CDH12: variants seen among roughly 807,000 people sequenced by gnomAD.
The protein encoded by CDH12 is cadherin 12.
Under a neutral mutation model 74.1 loss-of-function variants are expected in CDH12, and 41 were observed. That is an observed-to-expected ratio of 0.55 (90% CI 0.43 to 0.72). The LOEUF (loss-of-function observed/expected upper bound fraction) is 0.72. CDH12 is among the 30% of genes least tolerant of loss of function. The pLI is 0.00. For missense variants in CDH12, 945 were observed against 977.2 expected (o/e 0.97, Z 0.44); for synonymous variants, 399 against 355.0 (o/e 1.12, Z -1.39).
intron 1 of CDH12, among the ~76,000 whole-genome samples, chr5:22,659,243 C>A (rs1740223143): frequency 6.6e-6 from 1 of 151,886 alleles, no homozygotes; most frequent in African/African-American, 2.4e-5. Context: ...ATAAAAAAAA[C>A]AGGGTTTGGG....
chr5:22,742,646 C>A (rs968980326), intron 1 of CDH12, among the ~76,000 whole-genome samples: 1 of 151,828 alleles, frequency 6.6e-6, no homozygotes, highest in African/African-American at 2.4e-5. Context: ...AATTAATTAA[C>A]AGACATATAT....
At chr5:22,845,558 A>G (rs755719632) in intron 1 of CDH12, among the ~76,000 whole-genome samples, 76 of 152,264 alleles carry the variant, frequency 5.0e-4, no homozygotes, top group Admixed American at 3.8e-3. Flanking sequence ...GCATCATCAT[A>G]TGATATGAAG....
intron 1 of CDH12, among the ~76,000 whole-genome samples, chr5:22,506,404 A>G (rs900213240): frequency 2.6e-5 from 4 of 152,002 alleles, no homozygotes; most frequent in Non-Finnish European, 5.9e-5. Context: ...ACAATACTAC[A>G]CTGTTTATTT....
At chr5:22,080,071 G>T (rs1332948861) in intron 4 of CDH12, among the ~76,000 whole-genome samples, 1 of 152,144 alleles carries the variant, frequency 6.6e-6, no homozygotes, top group Non-Finnish European at 1.5e-5. Context: ...TTTGGCACTA[G>T]GGTCACAGTG....
chr5:22,184,020 T>TAAA (rs35625153), intron 4 of CDH12, among the ~76,000 whole-genome samples: 9 of 145,780 alleles, frequency 6.2e-5, no homozygotes, highest in African/African-American at 2.2e-4. Flanking sequence ...ACCCTAGTGA[T>TAAA]AAAAAAAAAA....
intron 6 of CDH12, among the ~76,000 whole-genome samples, chr5:21,856,053 G>A (rs1040835570): frequency 6.6e-6 from 1 of 151,602 alleles, no homozygotes; most frequent in Non-Finnish European, 1.5e-5. Flanking sequence ...AACTTTTAGA[G>A]GGAACTTTTA....
intron 5 of CDH12, among the ~76,000 whole-genome samples, chr5:22,023,577 C>A (rs1022667349): frequency 2.0e-5 from 3 of 148,976 alleles, no homozygotes; most frequent in Admixed American, 1.3e-4. Flanking sequence ...TATTCTCTCT[C>A]TCTATATATA....
intron 5 of CDH12, among the ~76,000 whole-genome samples, chr5:22,052,065 T>C (rs1740409558): frequency 6.6e-6 from 1 of 152,180 alleles, no homozygotes; most frequent in African/African-American, 2.4e-5. Flanking sequence ...AACATGTGGG[T>C]CACAGTTTTA....
chr5:21,859,130 A>G (rs1460169949), intron 6 of CDH12, among the ~76,000 whole-genome samples: 4 of 151,848 alleles, frequency 2.6e-5, no homozygotes, highest in African/African-American at 9.7e-5. Context: ...CTCCCTAGTC[A>G]CTCAGTTTCC....
At chr5:22,157,237 TTC>T (rs1748072487) in intron 4 of CDH12, among the ~76,000 whole-genome samples, 1 of 146,902 alleles carries the variant, frequency 6.8e-6, no homozygotes, top group African/African-American at 2.5e-5. Context: ...CTTGAGCAAT[TTC>T]TCTCTTTCCT....
chr5:22,354,966 T>G (rs1468704826), intron 3 of CDH12, among the ~76,000 whole-genome samples: 2 of 152,130 alleles, frequency 1.3e-5, no homozygotes, highest in East Asian at 1.9e-4. Flanking sequence ...CCGAATTGAC[T>G]AGGGCCATCT....
At chr5:21,943,236 A>G (rs1755418789) in intron 6 of CDH12, among the ~76,000 whole-genome samples, 2 of 152,108 alleles carry the variant, frequency 1.3e-5, no homozygotes, top group African/African-American at 4.8e-5. Context: ...TAGCAATGTG[A>G]AAATGGATTA....
At chr5:22,493,262 T>G (rs1746962749) in intron 2 of CDH12, among the ~76,000 whole-genome samples, 1 of 152,168 alleles carries the variant, frequency 6.6e-6, no homozygotes. Context: ...TATTATGCAT[T>G]ATTAGTCCTT....
intron 5 of CDH12, among the ~76,000 whole-genome samples, chr5:22,051,661 T>C (rs1561059461): frequency 1.3e-5 from 2 of 152,154 alleles, no homozygotes; most frequent in Non-Finnish European, 2.9e-5. Context: ...TAAAAGAGTC[T>C]TTCTTTTATC....
intron 5 of CDH12, among the ~76,000 whole-genome samples, chr5:22,047,538 A>C (rs1338476366): frequency 6.6e-6 from 1 of 150,874 alleles, no homozygotes. Context: ...CCCCCCCCAC[A>C]TCCATTGCCT....
In CDH12 at chr5:22,164,897, GT is replaced by G. The variant is rs1371367595; in HGVS notation, c.-187+47600del. ...GTCTCTCACTAGCACAAACCATGTA[GT>G]TTAATTGCCAGGAGGTCTGTCATTA... On this transcript the variant is annotated intron_variant, in intron 4 of 14. Transcript: ENST00000382254. 4.9e-5 allele frequency among the ~76,000 whole-genome samples: 7 copies of G among 142,278 alleles called. No individual in the cohort carries two copies. The Admixed American group carries it at 5.0e-4, about 10-fold the overall frequency. The allele number at this position is 142,278 out of a possible 152,430, so 93.3% of individuals were successfully genotyped here. A position where few individuals can be genotyped will look rare whatever the true frequency, so the allele number is the denominator to read the frequency against.
At chr5:22,616,171 C>G (rs1294194047) in intron 1 of CDH12, among the ~76,000 whole-genome samples, 1 of 152,024 alleles carries the variant, frequency 6.6e-6, no homozygotes, top group Admixed American at 6.6e-5. Context: ...GTCAACTGTA[C>G]TGTTCATTTC....
At chr5:22,180,283 G>T (rs1749562118) in intron 4 of CDH12, among the ~76,000 whole-genome samples, 1 of 152,038 alleles carries the variant, frequency 6.6e-6, no homozygotes, top group South Asian at 2.1e-4. Context: ...TTCATGAAAT[G>T]ACTTTGTTAT....
chr5:22,153,344 C>A (rs958757095), intron 4 of CDH12, among the ~76,000 whole-genome samples: 1 of 151,328 alleles, frequency 6.6e-6, no homozygotes, highest in Admixed American at 6.6e-5. Context: ...ATTTTTAAGA[C>A]CCCCCTCCCA....
Sources: gnomAD v4.1 joint callset for allele counts (sites outside exome capture counted in the v4.1 genomes callset) on GRCh38, gnomAD v4.1.1 for gene constraint, MANE v1.5 for transcripts, NCBI Gene and HGNC (gene_info 2026-07-23, HGNC 2026-07-21) for gene names.